Variants in TRDN observed in about 807,000 individuals in gnomAD.
TRDN encodes triadin, also known as triadin in skeletal muscle.
TRDN carries 161 observed loss-of-function variants against 149.7 expected under a neutral mutation model. That is an observed-to-expected ratio of 1.08 (90% CI 0.95 to 1.23). TRDN has a LOEUF of 1.23. Ranked by LOEUF, TRDN falls within the 50% of genes most tolerant of loss-of-function variation. TRDN has a pLI of 0.00. For missense variants in TRDN, 896 were observed against 823.5 expected (o/e 1.09, Z -1.08); for synonymous variants, 294 against 250.5 (o/e 1.17, Z -1.64).
At chr6:123,333,519 C>T (rs964287097) in intron 22 of TRDN, among the ~76,000 whole-genome samples, 3 of 152,022 alleles carry the variant, frequency 2.0e-5, no homozygotes, top group Non-Finnish European at 4.4e-5. Flanking sequence ...AAGATGCCTT[C>T]GGTTCCTAGG....
At chr6:123,319,653 A>C (rs905010251) in intron 23 of TRDN, among the ~76,000 whole-genome samples, 1 of 152,084 alleles carries the variant, frequency 6.6e-6, no homozygotes, top group Non-Finnish European at 1.5e-5. Flanking sequence ...GTTTTCTACC[A>C]CAATTATTCT....
chr6:123,275,478 T>C (rs1777339932), intron 26 of TRDN, among the ~76,000 whole-genome samples: 1 of 152,158 alleles, frequency 6.6e-6, no homozygotes, highest in Admixed American at 6.6e-5. Flanking sequence ...TGTTGCTTTG[T>C]CAACACCTTG....
intron 24 of TRDN, among the ~76,000 whole-genome samples, chr6:123,303,362 A>AT (rs748541506): frequency 6.6e-6 from 1 of 152,108 alleles, no homozygotes; most frequent in Non-Finnish European, 1.5e-5. Context: ...CTTTTGAAAT[A>AT]TTTTTTTCTG....
At chr6:123,333,249 G>T (rs1021102866) in intron 22 of TRDN, among the ~76,000 whole-genome samples, 2 of 152,092 alleles carry the variant, frequency 1.3e-5, no homozygotes, top group African/African-American at 4.8e-5. Flanking sequence ...GCAATGCTTC[G>T]AGTCTCAGAA....
chr6:123,356,341 C>G (rs1780671761), intron 20 of TRDN, among the ~76,000 whole-genome samples: 1 of 150,876 alleles, frequency 6.6e-6, no homozygotes. Flanking sequence ...ATATAGTTTC[C>G]TTTTATTCTG....
At chr6:123,436,846 C>A (rs1774585592) in intron 12 of TRDN, among the ~76,000 whole-genome samples, 1 of 152,030 alleles carries the variant, frequency 6.6e-6, no homozygotes, top group African/African-American at 2.4e-5. Flanking sequence ...TAGGTTTTTA[C>A]CCCATATACA....
At chr6:123,517,118 T>C (rs1300181393) in intron 5 of TRDN, among the ~76,000 whole-genome samples, 1 of 152,136 alleles carries the variant, frequency 6.6e-6, no homozygotes, top group Non-Finnish European at 1.5e-5. Context: ...GGTGGGTAAC[T>C]GCAGGGAGTC....
At chr6:123,358,761 G>A (rs1188051925) in intron 20 of TRDN, among the ~76,000 whole-genome samples, 1 of 152,120 alleles carries the variant, frequency 6.6e-6, no homozygotes, top group Non-Finnish European at 1.5e-5. Context: ...GGGATTACAG[G>A]CGTGAGCCAC....
intron 12 of TRDN, among the ~76,000 whole-genome samples, chr6:123,395,531 TTAGGGTTCC>T: frequency 6.6e-6 from 1 of 152,152 alleles, no homozygotes; most frequent in East Asian, 1.9e-4. Context: ...TGGGCATGTT[TTAGGGTTCC>T]TTATCTATGG....
At chr6:123,471,886 C>T (rs1777173488) in intron 9 of TRDN, 2 of 152,124 alleles carry the variant, frequency 1.3e-5, no homozygotes, top group African/African-American at 4.8e-5. Flanking sequence ...TCCTTGTACC[C>T]TGTCTGTGAC....
At chr6:123,354,341 A>T (rs1780578566) in intron 20 of TRDN, among the ~76,000 whole-genome samples, 1 of 151,884 alleles carries the variant, frequency 6.6e-6, no homozygotes, top group Non-Finnish European at 1.5e-5. Context: ...GGTCTAAGTG[A>T]AAACAATTTA....
intron 12 of TRDN, among the ~76,000 whole-genome samples, chr6:123,417,203 ATTATG>A (rs1773693021): frequency 6.6e-6 from 1 of 152,186 alleles, no homozygotes; most frequent in East Asian, 1.9e-4. Context: ...TCATAAAATT[ATTATG>A]TTATGATCTC....
rs1000174360 is a variant in TRDN at position 123,529,003 on chromosome 6, T to C, written c.484+1503A>G. ...TCAGCCAAATTCACTGTCTTAATTATGGAAGACTTGCTAGTTTAATAAACC... is the reference window on the plus strand; with the variant it reads ...TCAGCCAAATTCACTGTCTTAATTACGGAAGACTTGCTAGTTTAATAAACC... On this transcript the variant is annotated intron_variant, in intron 5 of 40. Transcript: ENST00000334268. 1.1e-5 allele frequency: 15 copies of C among 1,315,002 alleles called. No homozygotes were observed. In the African/African-American group the frequency reaches 2.1e-4, roughly 18 times the overall value. 81.5% of individuals were successfully genotyped at this position (1,315,002 alleles called of 1,614,324 possible).
chr6:123,588,261 G>C (rs1783605224), intron 1 of TRDN, among the ~76,000 whole-genome samples: 1 of 152,070 alleles, frequency 6.6e-6, no homozygotes, highest in African/African-American at 2.4e-5. Context: ...TTTCTTGTAG[G>C]GTCTGCTATC....
rs189387381 is a variant in TRDN, at chr6:123,580,512, G to A, written c.23-9380C>T. Among the ~76,000 whole-genome samples the A allele has an allele frequency of 4.4e-4, 67 of 152,212 alleles. 1 individual carries two copies. Among genetic ancestry groups the A allele is most frequent in the Admixed American group, 1.0e-3 (16 of 15,292 alleles). On this transcript the variant is annotated intron_variant, in intron 1 of 40. Coordinates refer to ENST00000334268, the MANE Select transcript of TRDN (RefSeq NM_006073.4). ...CATATTTTTCTTGTTCTCTGCAATG[G>A]CTAGACAGAATTAAATGACATCAGG... is the stretch of plus-strand genomic sequence containing the variant.
intron 23 of TRDN, among the ~76,000 whole-genome samples, chr6:123,328,258 G>T (rs897591146): frequency 2.6e-5 from 4 of 152,148 alleles, no homozygotes; most frequent in African/African-American, 9.7e-5. Flanking sequence ...CACCTGGCAC[G>T]CATGCCCTCA....
At chr6:123,299,057 T>C (rs1297772600) in intron 24 of TRDN, among the ~76,000 whole-genome samples, 2 of 152,092 alleles carry the variant, frequency 1.3e-5, no homozygotes, top group Non-Finnish European at 2.9e-5. Flanking sequence ...TAGTACCCTC[T>C]GGCACAGCAT....
intron 9 of TRDN, among the ~76,000 whole-genome samples, chr6:123,467,000 A>G (rs1023721856): frequency 3.9e-5 from 6 of 151,994 alleles, no homozygotes; most frequent in African/African-American, 1.5e-4. Context: ...TTACACTATT[A>G]CCTATATTTA....
chr6:123,248,784 G>A lies in TRDN; in HGVS notation c.1975+3628C>T, dbSNP rs78627126. Among the ~76,000 whole-genome samples, 467 of 152,072 alleles carry A rather than the reference G, an allele frequency of 3.1e-3. 18 individuals carry two copies. The East Asian group carries it at 0.076, about 25-fold the overall frequency. On this transcript the variant is annotated intron_variant, in intron 38 of 40. Transcript: ENST00000334268. ...GGATGGATTCACAGTCAAATTCTAT[G>A]AAACATAGAAAGAAAAACTTAATAC...
Sources: gnomAD v4.1 joint callset for allele counts (sites outside exome capture counted in the v4.1 genomes callset) on GRCh38, gnomAD v4.1.1 for gene constraint, MANE v1.5 for transcripts, NCBI Gene and HGNC (gene_info 2026-07-23, HGNC 2026-07-21) for gene names.